Variants in DLG2 observed in about 807,000 individuals in gnomAD.
The protein encoded by DLG2 is disks large homolog 2.
In DLG2, 45 loss-of-function variants were observed where a neutral mutation model predicts 132.5. The ratio of observed to expected loss-of-function variants is 0.34; its 90% confidence interval spans 0.27 to 0.44. The LOEUF (loss-of-function observed/expected upper bound fraction) is 0.44. Among genes scored for constraint, DLG2 ranks in the 20% least tolerant of loss-of-function variants. The pLI is 1.00. For missense variants in DLG2, 1,045 were observed against 1,196.9 expected (o/e 0.87, Z 1.87); for synonymous variants, 424 against 419.6 (o/e 1.01, Z -0.13).
chr11:84,987,053 T>C (rs1428761712), intron 6 of DLG2, among the ~76,000 whole-genome samples: 4 of 152,134 alleles, frequency 2.6e-5, no homozygotes, highest in African/African-American at 7.2e-5. Flanking sequence ...TGATAAAAGA[T>C]TTCAGCAAAG....
rs147868131 is a variant in DLG2, at chr11:85,072,389, A to T, written c.357+39272T>A. 5.9e-4 allele frequency among the ~76,000 whole-genome samples: 89 copies of T among 151,996 alleles called. 1 individual carries two copies. Among genetic ancestry groups the T allele is most frequent in the African/African-American group, 2.1e-3 (87 of 41,520 alleles). ...CACTCTCCCCTCAAAGAGATTCTGA[A>T]TCAAGAGGTCTGGATTAGAACCCAG... On this transcript the variant is annotated intron_variant, in intron 6 of 27. Coordinates refer to ENST00000376104, the MANE Select transcript of DLG2 (RefSeq NM_001142699.3).
chr11:83,556,928 C>A (rs2096531172), intron 19 of DLG2, among the ~76,000 whole-genome samples: 1 of 152,154 alleles, frequency 6.6e-6, no homozygotes, highest in South Asian at 2.1e-4. Flanking sequence ...GCCAGTGGTA[C>A]TTCAAACCAG....
At chr11:85,627,810 T>A (rs1565783904), upstream of DLG2, 2 of 152,404 alleles carry the variant, frequency 1.3e-5, no homozygotes, top group South Asian at 4.1e-4. Flanking sequence ...AAGTGTTTCC[T>A]CAGGCAGGAG....
At chr11:84,995,106 A>G (rs909273466) in intron 6 of DLG2, among the ~76,000 whole-genome samples, 3 of 152,178 alleles carry the variant, frequency 2.0e-5, no homozygotes, top group Admixed American at 6.5e-5. Context: ...TGCTTTCACC[A>G]TTTACTAGCT....
intron 6 of DLG2, among the ~76,000 whole-genome samples, chr11:84,564,164 A>G (rs1282016760): frequency 1.3e-5 from 2 of 152,322 alleles, no homozygotes; most frequent in East Asian, 3.9e-4. Context: ...TGAAGCTGTG[A>G]CAATAACAGG....
At chr11:83,677,212 T>C (rs2077889779) in intron 18 of DLG2, among the ~76,000 whole-genome samples, 1 of 152,134 alleles carries the variant, frequency 6.6e-6, no homozygotes, top group Non-Finnish European at 1.5e-5. Context: ...AAAAATAAAA[T>C]GGAGATACTA....
chr11:83,913,252 G>C (rs2076368862), intron 15 of DLG2, among the ~76,000 whole-genome samples: 2 of 152,232 alleles, frequency 1.3e-5, no homozygotes, highest in South Asian at 2.1e-4. Flanking sequence ...CTTCAGGAAA[G>C]AGCTAAGTCT....
intron 4 of DLG2, among the ~76,000 whole-genome samples, chr11:85,277,802 G>T (rs1176734623): frequency 2.6e-5 from 4 of 152,068 alleles, no homozygotes; most frequent in African/African-American, 7.2e-5. Flanking sequence ...CTTCCAGGAG[G>T]GTAATACATA....
At chr11:83,973,533 A>G (rs556281699) in intron 12 of DLG2, among the ~76,000 whole-genome samples, 3 of 152,108 alleles carry the variant, frequency 2.0e-5, no homozygotes, top group South Asian at 2.1e-4. Flanking sequence ...TTTTTAGCCA[A>G]TTGCAGGTAA....
At chr11:85,387,745 T>A (rs996530213) in intron 3 of DLG2, among the ~76,000 whole-genome samples, 1 of 152,122 alleles carries the variant, frequency 6.6e-6, no homozygotes, top group African/African-American at 2.4e-5. Context: ...TCACTCTGAG[T>A]CAATATATCT....
At chr11:83,710,351 A>G (rs959451009) in intron 18 of DLG2, among the ~76,000 whole-genome samples, 12 of 152,090 alleles carry the variant, frequency 7.9e-5, no homozygotes, top group Non-Finnish European at 1.6e-4. Context: ...TGATACAGAC[A>G]GGGTTTCACT....
intron 5 of DLG2, among the ~76,000 whole-genome samples, chr11:85,149,377 A>G (rs566402916): frequency 3.9e-5 from 6 of 152,334 alleles, no homozygotes; most frequent in African/African-American, 9.6e-5. Flanking sequence ...CTTCCTATCC[A>G]TGAGGATGGA....
At chr11:84,115,317 A>G (rs1485242238) in intron 9 of DLG2, among the ~76,000 whole-genome samples, 1 of 151,400 alleles carries the variant, frequency 6.6e-6, no homozygotes, top group East Asian at 1.9e-4. Flanking sequence ...GGAAAAAGAA[A>G]TATTTTCTGG....
chr11:84,068,985 G>C (rs1054439954), intron 10 of DLG2, among the ~76,000 whole-genome samples: 1 of 152,170 alleles, frequency 6.6e-6, no homozygotes, highest in African/African-American at 2.4e-5. Context: ...AGGACCCACT[G>C]TCAGTCGGGT....
intron 11 of DLG2, among the ~76,000 whole-genome samples, chr11:84,013,854 G>A (rs531891015): frequency 1.6e-5 from 2 of 128,904 alleles, no homozygotes; most frequent in South Asian, 5.8e-4. Context: ...GTGACAGAGT[G>A]GGACTGCGTC....
chr11:84,916,489 G>A (rs997744157), intron 6 of DLG2, among the ~76,000 whole-genome samples: 3 of 149,550 alleles, frequency 2.0e-5, no homozygotes, highest in South Asian at 4.3e-4. Flanking sequence ...TATCAGTGTC[G>A]AAAAAGACAA....
chr11:84,026,224 G>A (rs2095531011), intron 11 of DLG2, among the ~76,000 whole-genome samples: 2 of 151,962 alleles, frequency 1.3e-5, no homozygotes, highest in Admixed American at 6.6e-5. Flanking sequence ...AAAAGCTAAC[G>A]GGGAGTAAAG....
At chr11:84,871,139 C>T (rs891080390) in intron 6 of DLG2, among the ~76,000 whole-genome samples, 3 of 152,282 alleles carry the variant, frequency 2.0e-5, no homozygotes, top group African/African-American at 7.2e-5. Flanking sequence ...ATAATCACTC[C>T]AAACTTAAAG....
At chr11:83,627,425 C>T (rs1004860138) in intron 19 of DLG2, among the ~76,000 whole-genome samples, 1 of 151,924 alleles carries the variant, frequency 6.6e-6, no homozygotes, top group Non-Finnish European at 1.5e-5. Context: ...CATGTGTTCT[C>T]ATTGTTCAAT....
Sources: gnomAD v4.1 joint callset for allele counts (sites outside exome capture counted in the v4.1 genomes callset) on GRCh38, gnomAD v4.1.1 for gene constraint, MANE v1.5 for transcripts, NCBI Gene and HGNC (gene_info 2026-07-23, HGNC 2026-07-21) for gene names.